The following FKBP3 variants were observed in gnomAD, a reference collection of about 807,000 sequenced individuals.
FKBP3 encodes FKBP prolyl isomerase 3.
In FKBP3, 21 loss-of-function variants were observed where a neutral mutation model predicts 30.6. That is an observed-to-expected ratio of 0.69 (90% confidence interval 0.49 to 0.99). FKBP3 has a LOEUF of 0.99. Among genes scored for constraint, FKBP3 ranks in the 50% least tolerant of loss-of-function variants. The pLI, the probability that FKBP3 is intolerant of heterozygous loss-of-function variation, is 0.00. For missense variants in FKBP3, 283 were observed against 261.6 expected (o/e 1.08, Z -0.56); for synonymous variants, 82 against 91.3 (o/e 0.90, Z 0.58).
intron 1 of FKBP3, chr14:45,131,028 C>A: frequency 2.9e-6 from 1 of 344,902 alleles, no homozygotes; most frequent in Non-Finnish European, 5.3e-6. Context: ...GTGTTATGTA[C>A]TGAACACAGT....
intron 1 of FKBP3, among the ~76,000 whole-genome samples, chr14:45,132,922 G>T (rs1885253740): frequency 6.6e-6 from 1 of 152,144 alleles, no homozygotes; most frequent in African/African-American, 2.4e-5. Flanking sequence ...TATTGTTTCA[G>T]ATGAAATACG....
At chr14:45,123,623 TTTTTTTTTTC>T in intron 3 of FKBP3, among the ~76,000 whole-genome samples, 1 of 137,264 alleles carries the variant, frequency 7.3e-6, no homozygotes, top group African/African-American at 2.8e-5. Context: ...TTTTTTTTTT[TTTTTTTTTTC>T]AGATGGAGTC....
intron 3 of FKBP3, among the ~76,000 whole-genome samples, chr14:45,126,055 C>T (rs994976183): frequency 2.4e-4 from 37 of 152,130 alleles, no homozygotes; most frequent in African/African-American, 4.6e-4. Context: ...CACACCACCA[C>T]GCCTGGCTAC....
In FKBP3 at chr14:45,126,218, A is replaced by G. The variant is rs926561806; in HGVS notation, c.318+3576T>C. On this transcript the variant is annotated intron_variant, in intron 3 of 6. Coordinates refer to ENST00000396062, the MANE Select transcript of FKBP3 (RefSeq NM_002013.4). ...TAACATGTCTATACAGGCCGGGCAC[A>G]GTGGCTCACGCCTGTAATCCCAGCA... is the stretch of plus-strand genomic sequence containing the variant. 6.6e-4 allele frequency among the ~76,000 whole-genome samples: 99 copies of G among 149,238 alleles called. 1 individual carries two copies. The highest frequency in any genetic ancestry group is 2.3e-3 in the African/African-American group (94 of 40,912).
intron 5 of FKBP3, among the ~76,000 whole-genome samples, chr14:45,118,330 G>A (rs144587223): frequency 6.6e-6 from 1 of 152,188 alleles, no homozygotes; most frequent in East Asian, 1.9e-4. Flanking sequence ...ATTTTAAGCA[G>A]GGCTTTTTTA....
chr14:45,131,690 G>T (rs1010436587), intron 1 of FKBP3, among the ~76,000 whole-genome samples: 2 of 148,022 alleles, frequency 1.4e-5, no homozygotes, highest in Non-Finnish European at 3.0e-5. Flanking sequence ...GACTAAGCTT[G>T]TCTAAAGACT....
chr14:45,134,184 G>T (rs1245971387), intron 1 of FKBP3, among the ~76,000 whole-genome samples, 165 bp downstream of exon 1: 1 of 152,360 alleles, frequency 6.6e-6, no homozygotes, highest in East Asian at 1.9e-4. Flanking sequence ...CCGAGAGGCG[G>T]GAGCGAGGCA....
chr14:45,131,902 A>G (rs574403389), intron 1 of FKBP3, among the ~76,000 whole-genome samples: 1 of 152,334 alleles, frequency 6.6e-6, no homozygotes, highest in Admixed American at 6.5e-5. Context: ...CAAATATAAG[A>G]CTGCTAAGAT....
intron 5 of FKBP3, among the ~76,000 whole-genome samples, chr14:45,118,566 G>C (rs934473261): frequency 2.0e-5 from 3 of 152,094 alleles, no homozygotes; most frequent in African/African-American, 7.2e-5. Context: ...AGAAGGTGGA[G>C]GTTGCAGTGA....
At chr14:45,133,345 T>C (rs1885267782) in intron 1 of FKBP3, 4 of 295,366 alleles carry the variant, frequency 1.4e-5, no homozygotes, top group Admixed American at 4.2e-5. Flanking sequence ...CACGCGCCTG[T>C]AGTCCTAGCT....
intron 6 of FKBP3, 108 bp downstream of exon 6, chr14:45,117,920 A>G (rs1315616654): frequency 1.3e-6 from 1 of 760,470 alleles, no homozygotes; most frequent in Non-Finnish European, 2.2e-6. Flanking sequence ...TAGTCTGGAC[A>G]GGATTCTTGA....
At chr14:45,129,727 A>C (rs1885174609) in intron 3 of FKBP3, 67 bp downstream of exon 3, 3 of 1,017,294 alleles carry the variant, frequency 2.9e-6, no homozygotes, top group Admixed American at 5.7e-5. Flanking sequence ...GTTAGTGCAA[A>C]TAATAAAGAA....
chr14:45,134,341 T>G lies in FKBP3; in HGVS notation c.108+8A>C. The G allele has an allele frequency of 1.2e-6, 2 of 1,610,622 alleles. No individual in the cohort carries two copies. Among genetic ancestry groups the G allele is most frequent in the Middle Eastern group, 1.6e-4 (1 of 6,062 alleles). ...GCACCAGCCCGGCCGCCCCTACGCC[T>G]CTGGTACCGAATCTGAACCGTGTTC... On this transcript the variant is annotated splice_region_variant and intron_variant, in intron 1 of 6. Transcript: ENST00000396062.
chr14:45,116,499 T>G (rs531597112), intron 6 of FKBP3, among the ~76,000 whole-genome samples: 49 of 151,516 alleles, frequency 3.2e-4, no homozygotes, highest in Admixed American at 1.6e-3. Flanking sequence ...TATATATACA[T>G]ATAGAGAGAG....
intron 4 of FKBP3, 23 bp downstream of exon 4, chr14:45,121,462 C>T (rs376976377): frequency 2.2e-5 from 36 of 1,601,462 alleles, no homozygotes; most frequent in Non-Finnish European, 2.8e-5. Context: ...AAGCCAAAAA[C>T]ATAAGATTCC....
chr14:45,116,216 T>C lies in FKBP3; in HGVS notation c.657A>G (p.Glu219=). Residue 219 remains glutamate, a synonymous_variant, in exon 7 of 7, where the codon GAA becomes GAG. Coordinates refer to ENST00000396062, the MANE Select transcript of FKBP3 (RefSeq NM_002013.4). ...TGCTATTTCAATCAATATCCACTAA[T>C]TCCACTTCAAAAGTGAGTTTTGCAT... The part of the protein sequence containing the change: ...PPNAKLTFEV[E]LVDID 6.2e-7 allele frequency: 1 copy of C among 1,612,582 alleles called. No homozygotes were observed. Among genetic ancestry groups the C allele is most frequent in the Non-Finnish European group, 8.5e-7 (1 of 1,178,756 alleles).
intron 3 of FKBP3, among the ~76,000 whole-genome samples, chr14:45,128,927 T>C: frequency 6.6e-6 from 1 of 152,366 alleles, no homozygotes; most frequent in East Asian, 1.9e-4. Flanking sequence ...TCAATAGATA[T>C]AACATTTATT....
intron 1 of FKBP3, 66 bp downstream of exon 1, chr14:45,134,283 G>A (rs1885318099): frequency 8.0e-7 from 1 of 1,252,654 alleles, no homozygotes; most frequent in Non-Finnish European, 1.2e-6. Flanking sequence ...GGAATGTATG[G>A]GCATCTCCAG....
In FKBP3 at chr14:45,134,417, G is replaced by C. The variant is rs1885330382; in HGVS notation, c.40C>G (p.Gln14Glu). The change falls in exon 1 of 7, where the codon CAG becomes GAG. Residue 14 changes from glutamine to glutamate, a missense_variant. Transcript: ENST00000396062. ...AVPQRAWTVE[Q>E]LRSEQLPKKD... ...TTGGGCAGCTGCTCACTGCGCAGCT[G>C]CTCCACGGTCCACGCCCGCTGTGGA... is the stretch of plus-strand genomic sequence containing the variant. 1 of 1,613,574 alleles carries C rather than the reference G, an allele frequency of 6.2e-7. No homozygotes were observed. The highest frequency in any genetic ancestry group is 1.3e-5 in the African/African-American group (1 of 74,936).
Sources: gnomAD v4.1 joint callset for allele counts (sites outside exome capture counted in the v4.1 genomes callset) on GRCh38, gnomAD v4.1.1 for gene constraint, MANE v1.5 for transcripts, NCBI Gene and HGNC (gene_info 2026-07-23, HGNC 2026-07-21) for gene names.